MAP3K9: variants seen among roughly 807,000 people sequenced by gnomAD.
MAP3K9 encodes mixed lineage kinase 1 (tyr and ser/thr specificity).
Under a neutral mutation model 95.8 loss-of-function variants are expected in MAP3K9, and 46 were observed. The observed-to-expected ratio is 0.48, with a 90% confidence interval of 0.38 to 0.61. The LOEUF (loss-of-function observed/expected upper bound fraction) is 0.61. MAP3K9 is among the 20% of genes least tolerant of loss of function. MAP3K9 has a pLI of 0.00. For synonymous variants in MAP3K9, 533 were observed against 593.8 expected (o/e 0.90, Z 1.49); for missense variants, 1,296 against 1,474.3 (o/e 0.88, Z 1.98).
intron 1 of MAP3K9, among the ~76,000 whole-genome samples, chr14:70,808,330 G>C (rs1290483801): frequency 6.6e-6 from 1 of 152,072 alleles, no homozygotes; most frequent in Admixed American, 6.5e-5. Context: ...TTAGGAGGCG[G>C]GGACAGGCGT....
At chr14:70,804,609 C>G (rs1394773444) in intron 1 of MAP3K9, among the ~76,000 whole-genome samples, 1 of 152,152 alleles carries the variant, frequency 6.6e-6, no homozygotes, top group African/African-American at 2.4e-5. Context: ...TGTACCCTCC[C>G]TTCTTTCCTC....
intron 2 of MAP3K9, among the ~76,000 whole-genome samples, chr14:70,792,027 C>T (rs145080201): frequency 6.6e-6 from 1 of 152,320 alleles, no homozygotes; most frequent in East Asian, 1.9e-4. Context: ...GTCAGATCTC[C>T]GGCCTCAATG....
At chr14:70,774,983 C>CAAAAAAAAAAA (rs60144338) in intron 2 of MAP3K9, among the ~76,000 whole-genome samples, 29 of 55,114 alleles carry the variant, frequency 5.3e-4, no homozygotes, top group East Asian at 1.5e-3. Flanking sequence ...ACTCTGTCCC[C>CAAAAAAAAAAA]AAAAAAAAAA....
intron 2 of MAP3K9, among the ~76,000 whole-genome samples, chr14:70,779,371 T>C (rs944875277): frequency 1.3e-5 from 2 of 152,218 alleles, no homozygotes; most frequent in African/African-American, 2.4e-5. Flanking sequence ...CTATTACAAT[T>C]GTCCAGGGGA....
intron 2 of MAP3K9, among the ~76,000 whole-genome samples, chr14:70,763,760 C>T (rs979729989): frequency 6.6e-6 from 1 of 152,048 alleles, no homozygotes; most frequent in Middle Eastern, 3.4e-3. Flanking sequence ...TCAAGCTCCT[C>T]GGTTCAAGCG....
At chr14:70,792,955 C>T (rs2107665) in intron 2 of MAP3K9, among the ~76,000 whole-genome samples, 142,359 of 152,328 alleles carry the variant, frequency 0.93, 66,596 homozygotes, top group African/African-American at 0.96. Context: ...AGGTTGGAGA[C>T]GAGGACAAGG....
intron 2 of MAP3K9, among the ~76,000 whole-genome samples, chr14:70,790,007 G>A (rs533159551): frequency 3.3e-5 from 5 of 152,286 alleles, no homozygotes; most frequent in East Asian, 1.9e-4. Flanking sequence ...GCAAAGCTCC[G>A]AGACACCAGG....
At chr14:70,752,949 CTTTG>C (rs1252496727) in intron 3 of MAP3K9, 1 of 152,232 alleles carries the variant, frequency 6.6e-6, no homozygotes, top group Non-Finnish European at 1.5e-5. Context: ...TGGCTTGTTT[CTTTG>C]TTTGTCTGCA....
rs77859663 is a variant in MAP3K9 at position 70,803,337 on chromosome 14, T to A, written c.407-2257A>T. Among the ~76,000 whole-genome samples, 336 of 75,164 alleles carry A rather than the reference T, an allele frequency of 4.5e-3. 3 individuals are homozygous for A. The highest frequency in any genetic ancestry group is 0.011 in the African/African-American group (201 of 17,932). The allele number at this position is 75,164 out of a possible 152,430, so 49.3% of individuals were successfully genotyped here. ...GAGGAAATAAACCAAATTCAGATCTTAAAAAAAAAAAAAAAAAAAAAAAAA... is the reference window on the plus strand; with the variant it reads ...GAGGAAATAAACCAAATTCAGATCTAAAAAAAAAAAAAAAAAAAAAAAAAA... On this transcript the variant is annotated intron_variant, in intron 1 of 11. Coordinates refer to ENST00000554752, the MANE Select transcript of MAP3K9 (RefSeq NM_001284230.2).
chr14:70,781,859 G>T (rs2054680934), intron 2 of MAP3K9, among the ~76,000 whole-genome samples: 1 of 152,214 alleles, frequency 6.6e-6, no homozygotes, highest in Non-Finnish European at 1.5e-5. Flanking sequence ...AGAAAGAGGA[G>T]CTGTTTCACA....
At chr14:70,756,711 A>G (rs1020944735) in intron 3 of MAP3K9, among the ~76,000 whole-genome samples, 5 of 152,224 alleles carry the variant, frequency 3.3e-5, no homozygotes, top group Non-Finnish European at 7.3e-5. Context: ...GTCAAGGTCA[A>G]TGCACTGAGG....
At chr14:70,797,800 T>C (rs1237835080) in intron 2 of MAP3K9, among the ~76,000 whole-genome samples, 2 of 152,112 alleles carry the variant, frequency 1.3e-5, no homozygotes, top group African/African-American at 4.8e-5. Context: ...GTAAGAATGG[T>C]GGTATCATCG....
intron 3 of MAP3K9, among the ~76,000 whole-genome samples, chr14:70,752,158 T>C (rs2054237552): frequency 1.3e-5 from 2 of 152,140 alleles, no homozygotes; most frequent in Non-Finnish European, 2.9e-5. Context: ...AGACAGGAGA[T>C]GGATTTTAGT....
At chr14:70,747,896 C>T (rs1474760298) in intron 5 of MAP3K9, among the ~76,000 whole-genome samples, 2 of 152,018 alleles carry the variant, frequency 1.3e-5, no homozygotes, top group South Asian at 2.1e-4. Context: ...ATCACGAGGT[C>T]AGGAGATCGA....
At chr14:70,774,187 G>A (rs1322794380) in intron 2 of MAP3K9, among the ~76,000 whole-genome samples, 1 of 152,180 alleles carries the variant, frequency 6.6e-6, no homozygotes, top group Non-Finnish European at 1.5e-5. Flanking sequence ...CAGGCACTGT[G>A]CTAAATAGGC....
rs189188507 is a variant in MAP3K9, at chr14:70,735,050, A to T, written c.1914-552T>A. On this transcript the variant is annotated intron_variant, in intron 9 of 11. Coordinates refer to ENST00000554752, the MANE Select transcript of MAP3K9 (RefSeq NM_001284230.2). ...TTTTAAAAGGCAAAACCAACCCACA[A>T]AGCTGCACCAACCCAGTGCACTGTG... Among the ~76,000 whole-genome samples, 14 of 152,306 alleles carry T rather than the reference A, an allele frequency of 9.2e-5. No homozygotes were observed. The East Asian group carries it at 2.7e-3, about 29-fold the overall frequency.
At chr14:70,740,219 C>A (rs1192393462) in intron 6 of MAP3K9, 55 bp from the exon 7 acceptor site, 1 of 1,565,596 alleles carries the variant, frequency 6.4e-7, no homozygotes, top group South Asian at 1.2e-5. Flanking sequence ...TAATTAAATT[C>A]ATATAAGAAA....
At chr14:70,730,938 C>G (rs951087463) in intron 11 of MAP3K9, 74 bp from the exon 12 acceptor site, 11 of 1,424,768 alleles carry the variant, frequency 7.7e-6, no homozygotes, top group East Asian at 4.6e-5. Context: ...CTACTCCCCC[C>G]CAACACCACC....
At chr14:70,775,483 C>T (rs1289848484) in intron 2 of MAP3K9, among the ~76,000 whole-genome samples, 1 of 152,156 alleles carries the variant, frequency 6.6e-6, no homozygotes, top group African/African-American at 2.4e-5. Context: ...TCTCATAGGC[C>T]ACAGTGTATG....
Sources: allele counts gnomAD v4.1 joint callset (sites outside exome capture counted in the v4.1 genomes callset), GRCh38; gene constraint gnomAD v4.1.1; transcripts MANE v1.5; gene names NCBI Gene and HGNC (gene_info 2026-07-23, HGNC 2026-07-21).